PIK3AP1: variants seen among roughly 807,000 people sequenced by gnomAD.
The protein encoded by PIK3AP1 is phosphoinositide-3-kinase adaptor protein 1.
In PIK3AP1, 21 loss-of-function variants were observed where a neutral mutation model predicts 88.1. The observed-to-expected ratio is 0.24, with a 90% CI of 0.17 to 0.34. The LOEUF (loss-of-function observed/expected upper bound fraction) is 0.34. PIK3AP1 is among the 10% of genes least tolerant of loss of function. The pLI is 1.00. For missense variants in PIK3AP1, 828 were observed against 1,035.7 expected (o/e 0.80, Z 2.75); for synonymous variants, 398 against 400.0 (o/e 1.00, Z 0.06).
At chr10:96,680,579 G>T (rs1843985886) in intron 2 of PIK3AP1, among the ~76,000 whole-genome samples, 2 of 152,094 alleles carry the variant, frequency 1.3e-5, no homozygotes, top group South Asian at 4.1e-4. Context: ...CTGTTCCTCT[G>T]TTAGTTTGCT....
chr10:96,637,316 A>ACTCACT (rs1554956461), intron 8 of PIK3AP1, among the ~76,000 whole-genome samples: 2 of 114,934 alleles, frequency 1.7e-5, no homozygotes, highest in East Asian at 4.5e-4. Flanking sequence ...ATATACAATC[A>ACTCACT]CACACACACA....
intron 2 of PIK3AP1, among the ~76,000 whole-genome samples, chr10:96,693,480 G>A (rs1844182140): frequency 6.6e-6 from 1 of 152,212 alleles, no homozygotes; most frequent in Non-Finnish European, 1.5e-5. Context: ...TGATTTGTGT[G>A]TGTACTCCTC....
intron 2 of PIK3AP1, chr10:96,700,805 T>A: frequency 1.0e-6 from 1 of 985,598 alleles, no homozygotes; most frequent in Non-Finnish European, 1.2e-6. Context: ...TGACTTACCA[T>A]CTGCGAGGCC....
chr10:96,626,755 G>A lies in PIK3AP1; in HGVS notation c.1622C>T (p.Ala541Val), dbSNP rs752802016. 15 of 1,614,244 alleles carry A rather than the reference G, an allele frequency of 9.3e-6. No homozygotes were observed. Among genetic ancestry groups the A allele is most frequent in the Non-Finnish European group, 1.1e-5 (13 of 1,180,036 alleles). The change falls in exon 10 of 17, where the codon GCT (alanine) becomes GTT (valine). Residue 541 changes from alanine (A) to valine (V), a missense_variant. Physicochemically the swap from Ala to Val is moderately conservative, Grantham distance 64. Coordinates refer to ENST00000339364, the MANE Select transcript of PIK3AP1 (RefSeq NM_152309.3). ...GTCAGGCAGCTGGTGAGCACCAGGA[G>A]CAGTGGTCTCTGGTCTGGGCACTGG... ...PVPVPRPETT[A>V]PGAHQLPDNE...
At chr10:96,688,964 T>G (rs1013863180) in intron 2 of PIK3AP1, among the ~76,000 whole-genome samples, 2 of 151,992 alleles carry the variant, frequency 1.3e-5, no homozygotes, top group African/African-American at 4.8e-5. Flanking sequence ...GAACAAGAGA[T>G]AGCCCTTTAG....
chr10:96,628,206 C>T (rs1394108656), intron 9 of PIK3AP1, among the ~76,000 whole-genome samples, 192 bp downstream of exon 9: 1 of 152,150 alleles, frequency 6.6e-6, no homozygotes, highest in Admixed American at 6.5e-5. Flanking sequence ...ACTCCTGGCC[C>T]ACCTCTAAAG....
At chr10:96,616,404 C>T (rs565672645) in intron 13 of PIK3AP1, among the ~76,000 whole-genome samples, 113 of 152,346 alleles carry the variant, frequency 7.4e-4, no homozygotes, top group Non-Finnish European at 1.3e-3. Context: ...GTTGAATCCA[C>T]TTATTCACTT....
At chr10:96,606,409 A>C (rs184861946) in intron 14 of PIK3AP1, among the ~76,000 whole-genome samples, 132 of 152,368 alleles carry the variant, frequency 8.7e-4, no homozygotes, top group Middle Eastern at 6.8e-3. Flanking sequence ...ACTAGCAAGA[A>C]GTCATAAAGC....
At chr10:96,645,450 C>A in intron 8 of PIK3AP1, 23 bp downstream of exon 8, 1 of 1,604,324 alleles carries the variant, frequency 6.2e-7, no homozygotes, top group African/African-American at 1.3e-5. Context: ...AAGGTGGAAG[C>A]AGAACTGGGT....
chr10:96,690,079 C>T (rs962405280), intron 2 of PIK3AP1, among the ~76,000 whole-genome samples: 1 of 152,192 alleles, frequency 6.6e-6, no homozygotes, highest in Non-Finnish European at 1.5e-5. Flanking sequence ...TGCTTATTTC[C>T]GCATAAAAGT....
intron 2 of PIK3AP1, among the ~76,000 whole-genome samples, chr10:96,671,858 T>C (rs1035658764): frequency 1.3e-5 from 2 of 152,062 alleles, no homozygotes; most frequent in Non-Finnish European, 2.9e-5. Context: ...CTGGGCAACA[T>C]GGCAAAACTC....
chr10:96,716,179 G>A (rs1321552247), intron 1 of PIK3AP1, among the ~76,000 whole-genome samples: 1 of 152,156 alleles, frequency 6.6e-6, no homozygotes, highest in Non-Finnish European at 1.5e-5. Context: ...CTACTCAGGA[G>A]GCTGAGCCAT....
At position 96,609,695 on chromosome 10, in the gene PIK3AP1, C is replaced by A; in HGVS notation, c.2170+17G>T. 6.2e-7 allele frequency: 1 copy of A among 1,610,230 alleles called. No homozygotes were observed. Among genetic ancestry groups the A allele is most frequent in the Non-Finnish European group, 8.5e-7 (1 of 1,178,174 alleles). On this transcript the variant is annotated intron_variant, in intron 14 of 16. Transcript: ENST00000339364. ...CCCAGTCAAGAAGACCCCACCCCCG[C>A]ACCCCCAGCTGCTCACTTGCTGTGC...
chr10:96,674,915 C>T (rs1018390715), intron 2 of PIK3AP1, among the ~76,000 whole-genome samples: 2 of 152,166 alleles, frequency 1.3e-5, no homozygotes, highest in South Asian at 2.1e-4. Flanking sequence ...TTTTTTGAGA[C>T]GGAGTCTCAC....
chr10:96,720,386 G>C lies in PIK3AP1; in HGVS notation c.9C>G (p.Ala3=). 1.6e-6 allele frequency: 2 copies of C among 1,240,472 alleles called. No homozygotes were observed. Among genetic ancestry groups the C allele is most frequent in the Non-Finnish European group, 2.0e-6 (2 of 987,500 alleles). The allele number at this position is 1,240,472 out of a possible 1,614,324, so 76.8% of individuals were successfully genotyped here. Residue 3 remains alanine, a synonymous_variant, in exon 1 of 17, where the codon GCC becomes GCG. Coordinates refer to ENST00000339364, the MANE Select transcript of PIK3AP1 (RefSeq NM_152309.3). This position sits in a 1 kb window ranked among gnomAD's most constrained non-coding sequence, Gnocchi z 4.6. MA[A]SGVPRGCDIL... is the part of the protein sequence containing the mutation. ...CCGCGGCGCCTGCCTACCCACCTGA[G>C]GCTGCCATGCCGCGGGGCGCCGCTC...
chr10:96,715,982 C>T (rs1844497275), intron 1 of PIK3AP1, among the ~76,000 whole-genome samples: 1 of 151,832 alleles, frequency 6.6e-6, no homozygotes, highest in Non-Finnish European at 1.5e-5. Flanking sequence ...AACAGCTATT[C>T]AAAATGTCTC....
At chr10:96,712,743 G>C (rs967054205) in intron 1 of PIK3AP1, among the ~76,000 whole-genome samples, 2 of 152,256 alleles carry the variant, frequency 1.3e-5, no homozygotes, top group Non-Finnish European at 2.9e-5. Context: ...CGAGCCATCA[G>C]GTAGGACAGG....
At chr10:96,705,165 C>T (rs917249763) in intron 2 of PIK3AP1, among the ~76,000 whole-genome samples, 2 of 152,120 alleles carry the variant, frequency 1.3e-5, no homozygotes, top group Non-Finnish European at 1.5e-5. Context: ...CTATTTACTG[C>T]TGGGGTCTGA....
rs1274949366 is a variant in PIK3AP1 at position 96,709,583 on chromosome 10, T to A, written c.414A>T (p.Lys138Asn). 1 of 1,605,412 alleles carries A rather than the reference T, an allele frequency of 6.2e-7. No individual in the cohort carries two copies. Among genetic ancestry groups the A allele is most frequent in the Non-Finnish European group, 8.5e-7 (1 of 1,174,438 alleles). ...DEPETYVAAV[K>N]KAISEDSGCD... ...AATCCTTACCTTCGGAAATGGCTTT[T>A]TTCACAGCTGCCACGTAGGTCTCTG... The change falls in exon 2 of 17, where the codon AAA (lysine) becomes AAT (asparagine). Residue 138 changes from lysine (K) to asparagine (N), a missense_variant. Coordinates refer to ENST00000339364, the MANE Select transcript of PIK3AP1 (RefSeq NM_152309.3).
Sources: allele counts gnomAD v4.1 joint callset (sites outside exome capture counted in the v4.1 genomes callset), GRCh38; gene constraint gnomAD v4.1.1; non-coding constraint Gnocchi (gnomAD v3.1); transcripts MANE v1.5; gene names NCBI Gene and HGNC (gene_info 2026-07-23, HGNC 2026-07-21).